Variants in SAMD5 observed in about 807,000 individuals in gnomAD.
SAMD5 encodes the protein sterile alpha motif domain containing 5.
A neutral mutation model predicts 11.3 loss-of-function variants in SAMD5; 13 were observed. The ratio of observed to expected loss-of-function variants is 1.15; its 90% CI spans 0.75 to 1.83. The LOEUF (loss-of-function observed/expected upper bound fraction) is 1.83. Ranked by LOEUF, SAMD5 falls within the 40% of genes most tolerant of loss-of-function variation. The pLI, the probability that SAMD5 is intolerant of heterozygous loss-of-function variation, is 0.00. For synonymous variants in SAMD5, 129 were observed against 111.3 expected (o/e 1.16, Z -1.00); for missense variants, 255 against 239.1 (o/e 1.07, Z -0.44).
At chr6:147,939,093 C>T in the SAMD5 span, among the ~76,000 whole-genome samples, 2 of 152,146 alleles carry the variant, frequency 1.3e-5, no homozygotes, top group African/African-American at 2.4e-5. Context: ...CTCAGGTAGA[C>T]ACTTTACTTA....
the SAMD5 span, among the ~76,000 whole-genome samples, chr6:147,796,968 C>A: frequency 6.8e-6 from 1 of 146,172 alleles, no homozygotes; most frequent in East Asian, 2.0e-4. Flanking sequence ...AGATTTTGGG[C>A]TGAGACAATG....
chr6:147,949,012 G>C, the SAMD5 span, among the ~76,000 whole-genome samples: 1 of 152,182 alleles, frequency 6.6e-6, no homozygotes, highest in Non-Finnish European at 1.5e-5. Context: ...GGTGAAGAAG[G>C]TTAGATTTCA....
chr6:147,848,561 C>T, the SAMD5 span, among the ~76,000 whole-genome samples: 1 of 152,104 alleles, frequency 6.6e-6, no homozygotes, highest in East Asian at 1.9e-4. Context: ...TCAACAAACT[C>T]ACCTAATAAA....
At chr6:147,800,717 A>G in the SAMD5 span, among the ~76,000 whole-genome samples, 227 of 151,944 alleles carry the variant, frequency 1.5e-3, no homozygotes, top group Admixed American at 2.9e-3. Flanking sequence ...TAAAAGCCTA[A>G]TGAATTATTA....
At chr6:147,509,417 G>C in intron 1 of SAMD5, 30 bp downstream of exon 1, 4 of 1,494,938 alleles carry the variant, frequency 2.7e-6, no homozygotes, top group Non-Finnish European at 3.6e-6. Context: ...GCGGCCCGGG[G>C]CGCGCGGCGG....
the SAMD5 span, among the ~76,000 whole-genome samples, chr6:147,914,333 C>A: frequency 6.6e-6 from 1 of 151,820 alleles, no homozygotes; most frequent in African/African-American, 2.4e-5. Flanking sequence ...AGAAAACAGA[C>A]AACAACAACA....
downstream of SAMD5, among the ~76,000 whole-genome samples, chr6:147,571,585 G>A (rs1789139670): frequency 6.7e-6 from 1 of 149,914 alleles, no homozygotes; most frequent in Admixed American, 6.7e-5. Flanking sequence ...GTACATTCAT[G>A]TACCAATGAC....
At chr6:147,737,262 A>T in intron 1 of SAMD5, 1 of 1,090,438 alleles carries the variant, frequency 9.2e-7, no homozygotes, top group Admixed American at 3.1e-5. Flanking sequence ...CTTTTTCACT[A>T]TGATTTCACT....
the SAMD5 span, among the ~76,000 whole-genome samples, chr6:147,819,668 C>T: frequency 1.3e-5 from 2 of 152,184 alleles, no homozygotes; most frequent in Admixed American, 6.5e-5. Flanking sequence ...CCCAGCTTTC[C>T]CCACATGGGG....
chr6:147,907,209 G>C, the SAMD5 span, among the ~76,000 whole-genome samples: 4 of 152,232 alleles, frequency 2.6e-5, no homozygotes, highest in South Asian at 8.3e-4. Context: ...AAGATCCCGG[G>C]TCTGGCAGGG....
chr6:147,563,279 G>A (rs1483968694), intron 1 of SAMD5, among the ~76,000 whole-genome samples: 2 of 152,180 alleles, frequency 1.3e-5, no homozygotes, highest in South Asian at 2.1e-4. Context: ...ACAAATTGCT[G>A]TACCTTAGAG....
At chr6:147,679,278 T>A (rs1253342588) in intron 1 of SAMD5, among the ~76,000 whole-genome samples, 1 of 152,146 alleles carries the variant, frequency 6.6e-6, no homozygotes, top group Non-Finnish European at 1.5e-5. Context: ...GACTGCAGAG[T>A]ATGAGAGTTC....
chr6:147,578,791 TAAA>T (rs36033270), intron 1 of SAMD5, among the ~76,000 whole-genome samples: 1 of 149,244 alleles, frequency 6.7e-6, no homozygotes, highest in African/African-American at 2.5e-5. Flanking sequence ...ATCTGCGAAG[TAAA>T]AAAAAAAAAC....
intron 1 of SAMD5, among the ~76,000 whole-genome samples, chr6:147,726,554 C>T (rs1023703105): frequency 6.0e-5 from 9 of 151,180 alleles, no homozygotes; most frequent in East Asian, 1.9e-4. Context: ...GCCCAGGCCC[C>T]GGCCCTCACA....
At chr6:147,525,025 G>A (rs13210148) in intron 1 of SAMD5, among the ~76,000 whole-genome samples, 12,430 of 151,904 alleles carry the variant, frequency 0.082, 549 homozygotes, top group African/African-American at 0.1. Context: ...CTCAGAGCCC[G>A]TGGGTCTCAT....
At chr6:147,751,753 T>C in the SAMD5 span, among the ~76,000 whole-genome samples, 1 of 152,220 alleles carries the variant, frequency 6.6e-6, no homozygotes, top group African/African-American at 2.4e-5. Flanking sequence ...TTTCTGCTGG[T>C]GAGACGCTAA....
At chr6:147,671,973 A>G (rs549338041) in intron 1 of SAMD5, among the ~76,000 whole-genome samples, 1 of 147,936 alleles carries the variant, frequency 6.8e-6, no homozygotes, top group South Asian at 2.1e-4. Flanking sequence ...CAAATTCCAT[A>G]GAAAATTCTC....
the SAMD5 span, among the ~76,000 whole-genome samples, chr6:147,832,964 A>T: frequency 1.4e-4 from 22 of 152,240 alleles, no homozygotes; most frequent in African/African-American, 5.1e-4. Context: ...AATTTCCTTT[A>T]TGAAAATAAG....
At chr6:147,799,501 A>G in the SAMD5 span, among the ~76,000 whole-genome samples, 1 of 150,338 alleles carries the variant, frequency 6.7e-6, no homozygotes, top group Non-Finnish European at 1.5e-5. Context: ...TGCCCTTAAC[A>G]TTTTTTCCTT....
Sources: gnomAD v4.1 joint callset for allele counts (sites outside exome capture counted in the v4.1 genomes callset) on GRCh38, gnomAD v4.1.1 for gene constraint, MANE v1.5 for transcripts, NCBI Gene and HGNC (gene_info 2026-07-23, HGNC 2026-07-21) for gene names.